NAALADL2: variants seen among roughly 807,000 people sequenced by gnomAD.
The protein encoded by NAALADL2 is N-acetylated alpha-linked acidic dipeptidase like 2.
A neutral mutation model predicts 87.2 loss-of-function variants in NAALADL2; 76 were observed. The observed-to-expected ratio is 0.87, with a 90% CI of 0.72 to 1.05. The LOEUF (loss-of-function observed/expected upper bound fraction) is 1.05, where lower values mean the gene tolerates loss of function less well. Among genes scored for constraint, NAALADL2 ranks in the 50% least tolerant of loss-of-function variants. NAALADL2 has a pLI of 0.00. For synonymous variants in NAALADL2, 354 were observed against 331.0 expected (o/e 1.07, Z -0.75); for missense variants, 1,089 against 945.8 (o/e 1.15, Z -1.99).
chr3:175,343,640 G>T (rs1228098718), intron 5 of NAALADL2, among the ~76,000 whole-genome samples: 2 of 81,966 alleles, frequency 2.4e-5, no homozygotes, highest in Non-Finnish European at 5.7e-5. Flanking sequence ...TGGAGTTCCT[G>T]TGTGTCTTGA....
At chr3:174,925,130 C>G (rs1201234942) in intron 1 of NAALADL2, among the ~76,000 whole-genome samples, 1 of 152,174 alleles carries the variant, frequency 6.6e-6, no homozygotes, top group Non-Finnish European at 1.5e-5. Flanking sequence ...GTGTTTTAGA[C>G]ATGAAGTCCT....
intron 2 of NAALADL2, among the ~76,000 whole-genome samples, chr3:175,199,819 AATATATATATATATATATAT>A (rs1273667396): frequency 1.1e-3 from 23 of 21,358 alleles, no homozygotes; most frequent in East Asian, 2.2e-3. Flanking sequence ...GGGGGAAAGA[AATATATATATATATATATAT>A]ATATATATAT....
intron 13 of NAALADL2, among the ~76,000 whole-genome samples, chr3:175,801,052 A>G (rs1428399882): frequency 6.6e-6 from 1 of 152,156 alleles, no homozygotes; most frequent in Admixed American, 6.5e-5. Flanking sequence ...AGCATTGCTG[A>G]GAGGAAATGG....
At chr3:174,771,747 G>C (rs753978635) in intron 3 of NAALADL2, among the ~76,000 whole-genome samples, 1 of 152,178 alleles carries the variant, frequency 6.6e-6, no homozygotes, top group African/African-American at 2.4e-5. Flanking sequence ...TACAGGGGAA[G>C]AAACTACTGG....
chr3:174,902,903 G>T (rs1364781024), intron 1 of NAALADL2, among the ~76,000 whole-genome samples: 2 of 152,054 alleles, frequency 1.3e-5, no homozygotes, highest in Non-Finnish European at 1.5e-5. Context: ...GAAACAAGAA[G>T]ATTGGACAGA....
At chr3:174,840,033 G>A (rs1432070861) in intron 3 of NAALADL2, among the ~76,000 whole-genome samples, 1 of 151,876 alleles carries the variant, frequency 6.6e-6, no homozygotes, top group Non-Finnish European at 1.5e-5. Context: ...GTCATTATAT[G>A]AAAAAGATAC....
At chr3:174,595,376 A>C (rs1717784165) in intron 2 of NAALADL2, among the ~76,000 whole-genome samples, 2 of 152,148 alleles carry the variant, frequency 1.3e-5, no homozygotes, top group Admixed American at 1.3e-4. Context: ...TTGTTCTGTA[A>C]AATGTTTACT....
chr3:175,264,773 T>C lies in NAALADL2; in HGVS notation c.939+8243T>C, dbSNP rs1435302535. The stretch of plus-strand genomic sequence containing the variant: ...AGTGTTTATTTTTATGCATATACTT[T>C]TTATTAAGGTGATGAAATTATATAA... On this transcript the variant is annotated intron_variant, in intron 4 of 13. Transcript: ENST00000454872. Among the ~76,000 whole-genome samples, 3 of 151,746 alleles carry C rather than the reference T, an allele frequency of 2.0e-5. No individual in the cohort carries two copies. In the East Asian group the frequency reaches 5.8e-4, roughly 29 times the overall value.
rs924930220 is a variant in NAALADL2 at position 175,328,596 on chromosome 3, T to C, written c.1090+4271T>C. On this transcript the variant is annotated intron_variant, in intron 5 of 13. Coordinates refer to ENST00000454872, the MANE Select transcript of NAALADL2 (RefSeq NM_207015.3). The stretch of plus-strand genomic sequence containing the variant: ...GAATAAATCTGATTTCCCAGGACCA[T>C]ATATTTCTGGAATTCTAAGAGACTT... Among the ~76,000 whole-genome samples the C allele has an allele frequency of 2.0e-5, 3 of 152,146 alleles. No individual in the cohort carries two copies. In the East Asian group the frequency reaches 5.8e-4, roughly 29 times the overall value.
intron 2 of NAALADL2, among the ~76,000 whole-genome samples, chr3:174,702,329 T>G (rs1014808502): frequency 2.0e-5 from 3 of 152,194 alleles, no homozygotes; most frequent in Non-Finnish European, 4.4e-5. Flanking sequence ...TTTTACTTTT[T>G]CTCATTCTCT....
At chr3:175,258,178 G>T (rs953014805) in intron 4 of NAALADL2, among the ~76,000 whole-genome samples, 2 of 151,748 alleles carry the variant, frequency 1.3e-5, no homozygotes, top group Admixed American at 6.6e-5. Flanking sequence ...CGTGGTGGCG[G>T]GCGCCTGTAG....
At chr3:175,509,217 A>G (rs1251480132) in intron 9 of NAALADL2, among the ~76,000 whole-genome samples, 1 of 152,078 alleles carries the variant, frequency 6.6e-6, no homozygotes, top group African/African-American at 2.4e-5. Flanking sequence ...TTTCAGTATC[A>G]TGGCACTCAT....
At chr3:175,593,558 CCAATA>C (rs1297012132) in intron 10 of NAALADL2, among the ~76,000 whole-genome samples, 1 of 152,092 alleles carries the variant, frequency 6.6e-6, no homozygotes, top group Non-Finnish European at 1.5e-5. Flanking sequence ...GACTAAAATT[CCAATA>C]TCAAGATGTC....
At chr3:175,301,221 C>T (rs930530761) in intron 4 of NAALADL2, among the ~76,000 whole-genome samples, 6 of 152,118 alleles carry the variant, frequency 3.9e-5, no homozygotes, top group African/African-American at 1.4e-4. Context: ...TGCTATAAAT[C>T]TCCCTCTGAA....
At chr3:175,761,222 C>G (rs1446738231) in intron 13 of NAALADL2, among the ~76,000 whole-genome samples, 1 of 150,434 alleles carries the variant, frequency 6.6e-6, no homozygotes, top group Non-Finnish European at 1.5e-5. Context: ...TTCATTCCTC[C>G]CTACTAAACC....
chr3:175,140,066 G>A (rs1004743792), intron 2 of NAALADL2, among the ~76,000 whole-genome samples: 3 of 152,150 alleles, frequency 2.0e-5, no homozygotes, highest in Admixed American at 2.0e-4. Flanking sequence ...TTTAAATTCA[G>A]TCAGGCAAAC....
intron 2 of NAALADL2, among the ~76,000 whole-genome samples, chr3:174,714,433 G>T (rs1231968913): frequency 6.6e-6 from 1 of 152,150 alleles, no homozygotes; most frequent in Non-Finnish European, 1.5e-5. Flanking sequence ...CTACCCATGA[G>T]CATGGAATGT....
intron 3 of NAALADL2, among the ~76,000 whole-genome samples, chr3:174,782,486 AGT>A (rs1224382937): frequency 2.0e-5 from 3 of 152,030 alleles, no homozygotes; most frequent in Non-Finnish European, 4.4e-5. Context: ...TAGAAATCTG[AGT>A]GTGTCTATTT....
chr3:174,563,243 G>A (rs1713839921), intron 2 of NAALADL2, among the ~76,000 whole-genome samples: 1 of 151,164 alleles, frequency 6.6e-6, no homozygotes. Context: ...TATATCTTTA[G>A]CATGTTTATT....
Sources: gnomAD v4.1 joint callset for allele counts (sites outside exome capture counted in the v4.1 genomes callset) on GRCh38, gnomAD v4.1.1 for gene constraint, MANE v1.5 for transcripts, NCBI Gene and HGNC (gene_info 2026-07-23, HGNC 2026-07-21) for gene names.